DPYSL3: variants seen among roughly 807,000 people sequenced by gnomAD.
The protein encoded by DPYSL3 is dihydropyrimidinase like 3, also known as dihydropyrimidinase-related protein 3.
DPYSL3 carries 16 observed loss-of-function variants against 66.1 expected under a neutral mutation model. The ratio of observed to expected loss-of-function variants is 0.24; its 90% CI spans 0.16 to 0.37. The LOEUF (loss-of-function observed/expected upper bound fraction) is 0.37, where lower values mean the gene tolerates loss of function less well. Among genes scored for constraint, DPYSL3 ranks in the 10% least tolerant of loss-of-function variants. The pLI, the probability that DPYSL3 is intolerant of heterozygous loss-of-function variation, is 1.00. For missense variants in DPYSL3, 738 were observed against 916.2 expected (o/e 0.81, Z 2.51); for synonymous variants, 338 against 345.1 (o/e 0.98, Z 0.23).
chr5:147,444,823 A>C (rs1489896931), intron 1 of DPYSL3, among the ~76,000 whole-genome samples: 1 of 152,212 alleles, frequency 6.6e-6, no homozygotes, highest in Non-Finnish European at 1.5e-5. Context: ...AATCTTTTGA[A>C]ACACACAGAC....
chr5:147,488,754 C>G (rs1753372736), intron 1 of DPYSL3, among the ~76,000 whole-genome samples: 1 of 152,014 alleles, frequency 6.6e-6, no homozygotes, highest in South Asian at 2.1e-4. Context: ...GTGGCTCATC[C>G]CTGTAATCCC....
In DPYSL3 at chr5:147,415,335, C is replaced by T. The variant is rs369924108; in HGVS notation, c.820+374G>A. ...TCCCTAATCTCATAGGTCATACTAG[C>T]CATACAACCTTATGTAAGATTAGTT... On this transcript the variant is annotated intron_variant, in intron 4 of 13. Coordinates refer to ENST00000343218, the MANE Select transcript of DPYSL3 (RefSeq NM_001197294.2). 5.3e-5 allele frequency among the ~76,000 whole-genome samples: 8 copies of T among 152,084 alleles called. No individual in the cohort carries two copies. In the East Asian group the frequency reaches 1.5e-3, roughly 29 times the overall value.
At chr5:147,418,211 A>T (rs1032318150) in intron 3 of DPYSL3, among the ~76,000 whole-genome samples, 1 of 152,200 alleles carries the variant, frequency 6.6e-6, no homozygotes, top group African/African-American at 2.4e-5. Flanking sequence ...CCTGCTGCTA[A>T]GGTAGACAAG....
intron 2 of DPYSL3, among the ~76,000 whole-genome samples, chr5:147,424,163 T>C (rs2126328524): frequency 6.6e-6 from 1 of 152,288 alleles, no homozygotes; most frequent in African/African-American, 2.4e-5. Flanking sequence ...AACCAAAATC[T>C]TTAACTAGTC....
At chr5:147,397,917 C>T in intron 11 of DPYSL3, 72 bp from the exon 12 acceptor site, 2 of 1,394,188 alleles carry the variant, frequency 1.4e-6, no homozygotes, top group Non-Finnish European at 1.9e-6. Context: ...CTCCTTGAGA[C>T]CTTCAGTGTC....
intron 1 of DPYSL3, among the ~76,000 whole-genome samples, chr5:147,500,122 G>A (rs376565792): frequency 2.6e-5 from 4 of 152,092 alleles, no homozygotes; most frequent in Admixed American, 2.0e-4. Flanking sequence ...TAGTGATGAC[G>A]TTTTTAGATA....
In DPYSL3 at chr5:147,418,538, A is replaced by G. The variant is rs1241130589; in HGVS notation, c.564T>C (p.Thr188=). ...TTCCCTTATATGGCATCTGGAAGTG[A>G]GTATGGACATCGATGCCTCCAGGGA... ...MVIPGGIDVH[T]HFQMPYKGMT... is the part of the protein sequence containing the mutation. Residue 188 remains threonine (T), a synonymous_variant, in exon 3 of 14, where the codon ACT becomes ACC. Coordinates refer to ENST00000343218, the MANE Select transcript of DPYSL3 (RefSeq NM_001197294.2). 6.2e-7 allele frequency: 1 copy of G among 1,613,548 alleles called. No homozygotes were observed. The highest frequency in any genetic ancestry group is 1.7e-5 in the Admixed American group (1 of 59,952).
chr5:147,467,611 C>T (rs1167676973), intron 1 of DPYSL3, among the ~76,000 whole-genome samples: 1 of 152,178 alleles, frequency 6.6e-6, no homozygotes, highest in Non-Finnish European at 1.5e-5. Flanking sequence ...GTAACCAAGT[C>T]TTCTTTTCAG....
At chr5:147,408,826 A>T in intron 6 of DPYSL3, 30 bp from the exon 7 acceptor site, 1 of 1,613,058 alleles carries the variant, frequency 6.2e-7, no homozygotes, top group Non-Finnish European at 8.5e-7. Context: ...TAGTTCTTCA[A>T]TAAGCTCAAG....
chr5:147,507,095 T>A (rs1029584321), intron 1 of DPYSL3, among the ~76,000 whole-genome samples: 1 of 152,092 alleles, frequency 6.6e-6, no homozygotes, highest in Non-Finnish European at 1.5e-5. Context: ...GAATAGAGCT[T>A]CCCTGTTGAC....
chr5:147,500,562 C>T (rs997907105), intron 1 of DPYSL3, among the ~76,000 whole-genome samples: 4 of 146,856 alleles, frequency 2.7e-5, no homozygotes, highest in East Asian at 2.0e-4. Flanking sequence ...TGCAGTGAGC[C>T]GAGGTGGCAC....
In DPYSL3 at chr5:147,402,355, T is replaced by C. The variant is rs6875205; in HGVS notation, c.1154-659A>G. On this transcript the variant is annotated intron_variant, in intron 8 of 13. Transcript: ENST00000343218. Reference sequence around the variant, plus strand: ...GACTCTCATGACTTTTTTTTTTTTCTTTTTTTTTTTGAGACGGAGTCTCGC... The same window carrying C: ...GACTCTCATGACTTTTTTTTTTTTCCTTTTTTTTTTGAGACGGAGTCTCGC... Among the ~76,000 whole-genome samples the C allele has an allele frequency of 3.8e-4, 53 of 140,356 alleles. 1 individual carries two copies. Among genetic ancestry groups the C allele is most frequent in the South Asian group, 6.6e-4 (3 of 4,544 alleles). The allele number at this position is 140,356 out of a possible 152,430, so 92.1% of individuals were successfully genotyped here.
chr5:147,422,025 A>G (rs1006699986), intron 2 of DPYSL3, among the ~76,000 whole-genome samples: 1 of 152,208 alleles, frequency 6.6e-6, no homozygotes, highest in Non-Finnish European at 1.5e-5. Flanking sequence ...TAATTAAACT[A>G]AAGAGCTTCT....
intron 1 of DPYSL3, chr5:147,453,780 C>T: frequency 7.8e-7 from 1 of 1,282,708 alleles, no homozygotes; most frequent in Non-Finnish European, 9.9e-7. Context: ...GTAAATCTCC[C>T]CGGTCCCCCT....
chr5:147,436,433 A>G (rs1752415757), intron 1 of DPYSL3, among the ~76,000 whole-genome samples: 1 of 152,238 alleles, frequency 6.6e-6, no homozygotes, highest in South Asian at 2.1e-4. Flanking sequence ...GTATGTAAAT[A>G]TGTTTATTAT....
At position 147,439,788 on chromosome 5, in the gene DPYSL3, T is replaced by G. The variant is rs966239848; in HGVS notation, c.382-14825A>C. Among the ~76,000 whole-genome samples the G allele has an allele frequency of 5.9e-5, 9 of 152,300 alleles. No individual in the cohort carries two copies. In the East Asian group the frequency reaches 1.7e-3, roughly 29 times the overall value. On this transcript the variant is annotated intron_variant, in intron 1 of 13. Transcript: ENST00000343218. Reference sequence around the variant, plus strand: ...ACTCTAAAGGTAGAACCAACAAATATGCACAGCTAATATACAGTTAGCTGG... The same window carrying G: ...ACTCTAAAGGTAGAACCAACAAATAGGCACAGCTAATATACAGTTAGCTGG...
intron 1 of DPYSL3, among the ~76,000 whole-genome samples, chr5:147,485,821 C>T (rs990729901): frequency 2.6e-5 from 4 of 152,146 alleles, no homozygotes; most frequent in African/African-American, 4.8e-5. Flanking sequence ...TTTCCTTTCT[C>T]ATCTGTAAAA....
chr5:147,435,035 T>A (rs184263697), intron 1 of DPYSL3, among the ~76,000 whole-genome samples: 148 of 152,318 alleles, frequency 9.7e-4, no homozygotes, highest in African/African-American at 3.4e-3. Context: ...GGGAGCTCTC[T>A]GTACTTTGTG....
In DPYSL3 at chr5:147,509,904, G is replaced by C. The variant is rs1454827346; in HGVS notation, c.-46C>G. 14 of 1,468,218 alleles carry C rather than the reference G, an allele frequency of 9.5e-6. No homozygotes were observed. Among genetic ancestry groups the C allele is most frequent in the Non-Finnish European group, 1.3e-5 (14 of 1,111,748 alleles). The allele number at this position is 1,468,218 out of a possible 1,614,324, so 90.9% of individuals were successfully genotyped here. ...CCGCGGGTTTTTCTTCCCCAGAGGC[G>C]GAAAGGGCAGCCGCCGGCAGCGTGC... On this transcript the variant is annotated 5_prime_UTR_variant, in exon 1 of 14. Coordinates refer to ENST00000343218, the MANE Select transcript of DPYSL3 (RefSeq NM_001197294.2). The surrounding 1 kb of genome is among the most constrained non-coding windows in gnomAD (Gnocchi z 5.3).
Sources: allele counts gnomAD v4.1 joint callset (sites outside exome capture counted in the v4.1 genomes callset), GRCh38; gene constraint gnomAD v4.1.1; non-coding constraint Gnocchi (gnomAD v3.1); transcripts MANE v1.5; gene names NCBI Gene and HGNC (gene_info 2026-07-23, HGNC 2026-07-21).